Variants in DOCK9 observed in about 807,000 individuals in gnomAD.
DOCK9 encodes the protein dedicator of cytokinesis 9, also known as dedicator of cytokinesis protein 9.
Under a neutral mutation model 263.3 loss-of-function variants are expected in DOCK9, and 89 were observed. The ratio of observed to expected loss-of-function variants is 0.34; its 90% CI spans 0.28 to 0.40. The LOEUF (loss-of-function observed/expected upper bound fraction) is 0.40, where lower values mean the gene tolerates loss of function less well. Among genes scored for constraint, DOCK9 ranks in the 10% least tolerant of loss-of-function variants. The pLI is 1.00. For synonymous variants in DOCK9, 976 were observed against 973.1 expected (o/e 1.00, Z -0.06); for missense variants, 2,140 against 2,603.4 (o/e 0.82, Z 3.87).
At chr13:98,888,303 G>C in intron 17 of DOCK9, 57 bp downstream of exon 17, 2 of 1,601,766 alleles carry the variant, frequency 1.2e-6, no homozygotes, top group South Asian at 2.2e-5. Flanking sequence ...AACATGGGAC[G>C]CTGAATCTAA....
chr13:99,019,622 T>A (rs1039063439), intron 1 of DOCK9, among the ~76,000 whole-genome samples: 3 of 152,196 alleles, frequency 2.0e-5, no homozygotes, highest in African/African-American at 7.2e-5. Context: ...TCAAGCCATT[T>A]TAGGACCTCT....
chr13:98,856,356 A>G (rs1455961022), intron 33 of DOCK9: 2 of 189,580 alleles, frequency 1.1e-5, no homozygotes, highest in Non-Finnish European at 2.2e-5. Context: ...ACCTACAACT[A>G]TCAAATCACA....
chr13:98,929,822 A>G (rs1273512974), intron 3 of DOCK9, among the ~76,000 whole-genome samples: 2 of 152,198 alleles, frequency 1.3e-5, no homozygotes, highest in African/African-American at 4.8e-5. Flanking sequence ...AAACAGTATC[A>G]ATAACAAGAC....
At chr13:98,833,975 C>G (rs1238041473) in intron 39 of DOCK9, among the ~76,000 whole-genome samples, 1 of 152,166 alleles carries the variant, frequency 6.6e-6, no homozygotes, top group Non-Finnish European at 1.5e-5. Context: ...TTATTTCTAT[C>G]TTTTTATCCC....
rs745707097 is a variant in DOCK9 at position 98,809,432 on chromosome 13, C to A, written c.5287G>T (p.Ala1763Ser). The A allele has an allele frequency of 1.8e-5, 29 of 1,612,122 alleles. No individual in the cohort carries two copies. In the Admixed American group the frequency reaches 4.9e-4, roughly 27 times the overall value. ...LAHLYDTLHR[A>S]YSKVTEVMHS... is the part of the protein sequence containing the mutation. ...ATGACCTCGGTCACTTTGCTGTAGG[C>A]CCGGTGCAGCGTGTCATACAGATGG... Residue 1763 changes from alanine to serine, a missense_variant, in exon 47 of 53, where the codon GCC becomes TCC. Coordinates refer to ENST00000682017, the MANE Select transcript of DOCK9 (RefSeq NM_001366683.2).
intron 2 of DOCK9, among the ~76,000 whole-genome samples, chr13:98,942,155 TGTAA>T (rs2055969596): frequency 1.3e-5 from 2 of 152,160 alleles, no homozygotes; most frequent in African/African-American, 4.8e-5. Context: ...TTGAGGTAGG[TGTAA>T]GTAAGTGTAC....
intron 1 of DOCK9, among the ~76,000 whole-genome samples, chr13:99,016,255 A>C (rs1885397950): frequency 6.6e-6 from 1 of 152,198 alleles, no homozygotes; most frequent in Non-Finnish European, 1.5e-5. Flanking sequence ...TGCTATGGAA[A>C]CACATGCAAG....
chr13:98,809,525 A>AT, intron 46 of DOCK9, 60 bp from the exon 47 acceptor site: 1 of 1,396,752 alleles, frequency 7.2e-7, no homozygotes, highest in Non-Finnish European at 9.8e-7. Context: ...CGATTTTAAA[A>AT]TAACAAATGT....
At chr13:98,994,516 C>A (rs192537174) in intron 1 of DOCK9, among the ~76,000 whole-genome samples, 1 of 152,160 alleles carries the variant, frequency 6.6e-6, no homozygotes, top group Non-Finnish European at 1.5e-5. Context: ...CCAATCCTAC[C>A]GGGAGAATTA....
At chr13:99,074,814 A>G (rs560106101) in intron 1 of DOCK9, among the ~76,000 whole-genome samples, 5 of 152,304 alleles carry the variant, frequency 3.3e-5, no homozygotes, top group African/African-American at 1.2e-4. Flanking sequence ...TAAACTCTCT[A>G]CTTACGTTAA....
chr13:98,882,231 G>A (rs939764647), intron 23 of DOCK9, among the ~76,000 whole-genome samples: 2 of 151,974 alleles, frequency 1.3e-5, no homozygotes, highest in Non-Finnish European at 2.9e-5. Context: ...CTTATGATAG[G>A]GATTATCCAG....
intron 45 of DOCK9, among the ~76,000 whole-genome samples, chr13:98,813,237 A>G (rs1331210031): frequency 1.3e-5 from 2 of 152,260 alleles, no homozygotes; most frequent in African/African-American, 2.4e-5. Context: ...TACACTGGCT[A>G]GAACCTCCAG....
At chr13:98,943,122 C>T (rs2056202719) in intron 2 of DOCK9, among the ~76,000 whole-genome samples, 1 of 152,236 alleles carries the variant, frequency 6.6e-6, no homozygotes, top group Admixed American at 6.5e-5. Context: ...ACCAGCGCCA[C>T]ACTGCTCCTG....
At position 98,911,874 on chromosome 13, in the gene DOCK9, C is replaced by CTTTT. The variant is rs368270696; in HGVS notation, c.960+2450_960+2453dup. Among the ~76,000 whole-genome samples the CTTTT allele has an allele frequency of 5.5e-4, 78 of 142,156 alleles. 4 individuals are homozygous for CTTTT. The highest frequency in any genetic ancestry group is 3.7e-3 in the Middle Eastern group (1 of 270). The allele number at this position is 142,156 out of a possible 152,430, so 93.3% of individuals were successfully genotyped here. ...TCAATTCTATTACATTAAAAAAACA[C>CTTTT]TTTTTTTTTTTTTGAGACACAGTCT... On this transcript the variant is annotated intron_variant, in intron 9 of 52. Transcript: ENST00000682017.
At chr13:98,975,654 C>T (rs185776930) in intron 1 of DOCK9, among the ~76,000 whole-genome samples, 59 of 152,318 alleles carry the variant, frequency 3.9e-4, no homozygotes, top group Non-Finnish European at 3.7e-4. Flanking sequence ...TACTTCTATA[C>T]TACACGCATT....
At chr13:99,042,406 C>T (rs1422763622) in intron 1 of DOCK9, among the ~76,000 whole-genome samples, 1 of 152,246 alleles carries the variant, frequency 6.6e-6, no homozygotes, top group East Asian at 1.9e-4. Flanking sequence ...CATCAGCTGC[C>T]TCCCGTCAGT....
chr13:98,878,082 G>A (rs2044153019), intron 27 of DOCK9, among the ~76,000 whole-genome samples: 1 of 152,150 alleles, frequency 6.6e-6, no homozygotes, highest in South Asian at 2.1e-4. Flanking sequence ...AATCCAGTAT[G>A]ACTGGTGTCC....
chr13:99,022,006 A>G (rs891799704), intron 1 of DOCK9, among the ~76,000 whole-genome samples: 43 of 152,366 alleles, frequency 2.8e-4, no homozygotes, highest in African/African-American at 8.7e-4. Context: ...GGAAATTAAG[A>G]AAGTATTATT....
intron 45 of DOCK9, among the ~76,000 whole-genome samples, chr13:98,816,338 A>G (rs546769422): frequency 3.9e-5 from 6 of 152,250 alleles, no homozygotes; most frequent in African/African-American, 1.2e-4. Flanking sequence ...CGTGATATAC[A>G]TGGTAAGACA....
Sources: allele counts gnomAD v4.1 joint callset (sites outside exome capture counted in the v4.1 genomes callset), GRCh38; gene constraint gnomAD v4.1.1; transcripts MANE v1.5; gene names NCBI Gene and HGNC (gene_info 2026-07-23, HGNC 2026-07-21).